The following ATG2A variants were observed in gnomAD, a reference collection of about 807,000 sequenced individuals.
ATG2A encodes autophagy related 2A.
Under a neutral mutation model 214.2 loss-of-function variants are expected in ATG2A, and 103 were observed. That is an observed-to-expected ratio of 0.48 (90% confidence interval 0.41 to 0.57). ATG2A has a LOEUF of 0.57. Ranked by LOEUF, ATG2A falls within the 20% of genes least tolerant of loss-of-function variation. The pLI, the probability that ATG2A is intolerant of heterozygous loss-of-function variation, is 0.00. For missense variants in ATG2A, 2,312 were observed against 2,613.2 expected, an observed-to-expected ratio of 0.88 and a Z score of 2.51; for synonymous variants, 1,160 against 1,142.1, an observed-to-expected ratio of 1.02 and a Z score of -0.32.
At position 64,909,934 on chromosome 11, in the gene ATG2A, G is replaced by A; in HGVS notation, c.1864-10C>T. 1 of 1,595,856 alleles carries A rather than the reference G, an allele frequency of 6.3e-7. No individual in the cohort carries two copies. The highest frequency in any genetic ancestry group is 8.5e-7 in the Non-Finnish European group (1 of 1,171,148). ...CCGGCAGGGGCTCTGTCTGCAGGAG[G>A]ATTGGGGGTCAGAGCAGCCGTCGGA... On this transcript the variant is annotated splice_polypyrimidine_tract_variant and intron_variant, in intron 13 of 40. Coordinates refer to ENST00000377264, the MANE Select transcript of ATG2A (RefSeq NM_015104.3).
chr11:64,897,604 C>T (rs893878243), intron 36 of ATG2A, 67 bp downstream of exon 36: 1 of 1,610,862 alleles, frequency 6.2e-7, no homozygotes, highest in African/African-American at 1.3e-5. Flanking sequence ...GATGCAAGAC[C>T]TGGCCCCCAG....
chr11:64,916,997 C>A lies in ATG2A; in HGVS notation c.139G>T (p.Val47Phe). 1 of 1,613,760 alleles carries A rather than the reference C, an allele frequency of 6.2e-7. No individual in the cohort carries two copies. The highest frequency in any genetic ancestry group is 8.5e-7 in the Non-Finnish European group (1 of 1,180,006). ...QLSLDLYKGS[V>F]ALRDIHLEIW... ...TCCAGGTGGATGTCTCGCAGGGCAA[C>A]GCTGCCCTTGTACAGATCGAGGCTG... is the stretch of plus-strand genomic sequence containing the variant. Residue 47 changes from valine (V) to phenylalanine (F), a missense_variant, in exon 1 of 41, where the codon GTT becomes TTT. Transcript: ENST00000377264.
chr11:64,894,831 T>C lies in ATG2A; in HGVS notation c.*142A>G, dbSNP rs941781856. 6 of 1,020,528 alleles carry C rather than the reference T, an allele frequency of 5.9e-6. No individual in the cohort carries two copies. The Admixed American group carries it at 1.0e-4, about 17-fold the overall frequency. The allele number at this position is 1,020,528 out of a possible 1,614,324, so 63.2% of individuals were successfully genotyped here. ...AGGGAGGCCCCCCTCTCACAGCAGA[T>C]TGGCAACGGGCAGGCTGGGAAGGCG... On this transcript the variant is annotated 3_prime_UTR_variant, in exon 41 of 41. Transcript: ENST00000377264.
rs187827166 is a variant in ATG2A at position 64,899,955 on chromosome 11, C to T, written c.4464+539G>A. Among the ~76,000 whole-genome samples the T allele has an allele frequency of 6.0e-5, 9 of 151,028 alleles. No individual in the cohort carries two copies. The East Asian group carries it at 1.7e-3, about 29-fold the overall frequency. On this transcript the variant is annotated intron_variant, in intron 31 of 40. Coordinates refer to ENST00000377264, the MANE Select transcript of ATG2A (RefSeq NM_015104.3). Reference sequence around the variant, plus strand: ...CTCACTGCAACCTCTGCCTCTTGGGCTCAAACAACTCTCCTGCCTCAGCCT... The same window carrying T: ...CTCACTGCAACCTCTGCCTCTTGGGTTCAAACAACTCTCCTGCCTCAGCCT...
Position 64,910,923 on chromosome 11 carries a change from C to A in ATG2A, c.1498G>T (p.Glu500Ter). ...LTGTAVQLSWELRTGSRGRRT... is the reference protein window; with the variant it reads ...LTGTAVQLSW ...CGGCCCCGACTGCCCGTCCGCAGCTCCCAGGACAGCTGCACGGCTGTGCCC... is the reference window on the plus strand; with the variant it reads ...CGGCCCCGACTGCCCGTCCGCAGCTACCAGGACAGCTGCACGGCTGTGCCC... Residue 500 changes from glutamate (E) to a stop codon, truncating the protein, a stop_gained, in exon 11 of 41, where the codon GAG becomes TAG. Transcript: ENST00000377264. LOFTEE classifies it high-confidence loss of function. 1 of 1,613,208 alleles carries A rather than the reference C, an allele frequency of 6.2e-7. No individual in the cohort carries two copies. Among genetic ancestry groups the A allele is most frequent in the East Asian group, 2.2e-5 (1 of 44,878 alleles).
intron 20 of ATG2A, 61 bp from the exon 21 acceptor site, chr11:64,906,594 C>A: frequency 1.2e-6 from 2 of 1,608,382 alleles, no homozygotes; most frequent in Admixed American, 1.7e-5. Context: ...CACCCAGGGC[C>A]CACATCCGTC....
chr11:64,915,526 G>A (rs1178049821), intron 1 of ATG2A, among the ~76,000 whole-genome samples: 3 of 152,146 alleles, frequency 2.0e-5, no homozygotes, highest in African/African-American at 7.2e-5. Flanking sequence ...TTCTTTGGGG[G>A]CCTTCAAGGC....
rs759047658 is a variant in ATG2A at position 64,897,849 on chromosome 11, T to A, written c.4984A>T (p.Ile1662Phe). The change falls in exon 35 of 41, where the codon ATC becomes TTC. Residue 1662 changes from isoleucine to phenylalanine, a missense_variant. Physicochemically the swap from Ile to Phe is conservative, Grantham distance 21. Transcript: ENST00000377264. The stretch of plus-strand genomic sequence containing the variant: ...AGTCCAGCAGCCTACCTGAAGTAGA[T>A]GGGCTGCTGGTCAGGAGGGGAGGGG... ...HSPSPPDQQP[I>F]YFREFRFTSE... 1.9e-6 allele frequency: 3 copies of A among 1,605,974 alleles called. No individual in the cohort carries two copies. Among genetic ancestry groups the A allele is most frequent in the African/African-American group, 2.7e-5 (2 of 74,826 alleles).
chr11:64,913,146 G>C lies in ATG2A; in HGVS notation c.727-10C>G, dbSNP rs186654581. 2 of 1,586,506 alleles carry C rather than the reference G, an allele frequency of 1.3e-6. No individual in the cohort carries two copies. Among genetic ancestry groups the C allele is most frequent in the African/African-American group, 1.3e-5 (1 of 74,488 alleles). ...GCTCTGGAGGCTCTTCCTGGGAGAC[G>C]GGAGGATACAAGAGGGAAAGGTTGA... On this transcript the variant is annotated splice_polypyrimidine_tract_variant and intron_variant, in intron 5 of 40. Coordinates refer to ENST00000377264, the MANE Select transcript of ATG2A (RefSeq NM_015104.3). The surrounding 1 kb of genome is among the most constrained non-coding windows in gnomAD (Gnocchi z 4.3).
chr11:64,907,423 G>A lies in ATG2A; in HGVS notation c.2664C>T (p.Leu888=), dbSNP rs777355713. The A allele has an allele frequency of 2.5e-6, 4 of 1,594,310 alleles. No homozygotes were observed. The highest frequency in any genetic ancestry group is 1.6e-4 in the Middle Eastern group (1 of 6,064). The part of the protein sequence containing the change: ...SAFKLANCFD[L]TPDSDSDDED... ...CGTCATCCGAGTCCGAGTCTGGGGT[G>A]AGATCAAAGCAGTTGGCTGGGAAGG... Residue 888 remains leucine (L), a synonymous_variant, in exon 19 of 41, where the codon CTC becomes CTT. Transcript: ENST00000377264.
At chr11:64,912,511 G>A in intron 6 of ATG2A, 88 bp from the exon 7 acceptor site, 2 of 1,156,122 alleles carry the variant, frequency 1.7e-6, no homozygotes, top group South Asian at 3.1e-5. Context: ...CCCTGGGAAA[G>A]CAGGATGCTG....
chr11:64,899,017 G>A (rs542771565), intron 31 of ATG2A, among the ~76,000 whole-genome samples, 175 bp from the exon 32 acceptor site: 5 of 152,246 alleles, frequency 3.3e-5, no homozygotes, highest in Admixed American at 6.5e-5. Context: ...GGGTTCAAGC[G>A]ATTCTCCTGC....
chr11:64,898,906 C>T lies in ATG2A; in HGVS notation c.4465-64G>A. 1.4e-6 allele frequency: 2 copies of T among 1,472,048 alleles called. No individual in the cohort carries two copies. Among genetic ancestry groups the T allele is most frequent in the Middle Eastern group, 2.3e-4 (1 of 4,430 alleles). The allele number at this position is 1,472,048 out of a possible 1,614,324, so 91.2% of individuals were successfully genotyped here. A position where few individuals can be genotyped will look rare whatever the true frequency, so the allele number is the denominator to read the frequency against. ...CCCAAGAGGGAGGGAAGGGCTGGCCCCAGACCCCTTCTCTATTCTTTTTTT... is the reference window on the plus strand; with the variant it reads ...CCCAAGAGGGAGGGAAGGGCTGGCCTCAGACCCCTTCTCTATTCTTTTTTT... On this transcript the variant is annotated intron_variant, in intron 31 of 40. Coordinates refer to ENST00000377264, the MANE Select transcript of ATG2A (RefSeq NM_015104.3). The surrounding 1 kb of genome is among the most constrained non-coding windows in gnomAD (Gnocchi z 4.5).
rs747187541 is a variant in ATG2A at position 64,895,177 on chromosome 11, G to T, written c.5613C>A (p.Asp1871Glu). The change falls in exon 41 of 41, where the codon GAC (aspartate) becomes GAA (glutamate). Residue 1871 changes from aspartate (D) to glutamate (E), a missense_variant. Coordinates refer to ENST00000377264, the MANE Select transcript of ATG2A (RefSeq NM_015104.3). This position sits in a 1 kb window ranked among gnomAD's most constrained non-coding sequence, Gnocchi z 5.0. ...GILDTAQTIC[D>E]VASRGHEQKG... ...TCTGCTCATGGCCCCGCGATGCCAC[G>T]TCACAGATGGTCTGAGCTGTATCCA... is the stretch of plus-strand genomic sequence containing the variant. 1 of 1,613,036 alleles carries T rather than the reference G, an allele frequency of 6.2e-7. No individual in the cohort carries two copies. The highest frequency in any genetic ancestry group is 1.1e-5 in the South Asian group (1 of 91,048).
chr11:64,903,392 G>A lies in ATG2A; in HGVS notation c.3536-28C>T. 6.2e-7 allele frequency: 1 copy of A among 1,612,442 alleles called. No homozygotes were observed. The highest frequency in any genetic ancestry group is 8.5e-7 in the Non-Finnish European group (1 of 1,178,722). ...GCAGCAGAGGCGAGAGAAAGGTCCT[G>A]TGGCCCCCTTCCACCCGGCCCCGGC... On this transcript the variant is annotated intron_variant, in intron 25 of 40. Transcript: ENST00000377264. This position sits in a 1 kb window ranked among gnomAD's most constrained non-coding sequence, Gnocchi z 4.2.
chr11:64,912,513 A>T, intron 6 of ATG2A, 90 bp from the exon 7 acceptor site: 1 of 1,135,922 alleles, frequency 8.8e-7, no homozygotes, highest in Non-Finnish European at 1.2e-6. Context: ...CTGGGAAAGC[A>T]GGATGCTGGC....
chr11:64,906,848 G>A (rs1169189580), intron 19 of ATG2A, 33 bp from the exon 20 acceptor site: 9 of 1,597,876 alleles, frequency 5.6e-6, no homozygotes, highest in Non-Finnish European at 7.7e-6. Flanking sequence ...GGCTTCCCCA[G>A]CTGCACTCAG....
intron 19 of ATG2A, among the ~76,000 whole-genome samples, chr11:64,907,020 C>T (rs745852915): frequency 3.5e-4 from 53 of 152,358 alleles, no homozygotes; most frequent in Non-Finnish European, 6.2e-4. Flanking sequence ...GGAGTGGGAA[C>T]AGTGGGTGCT....
Position 64,895,195 on chromosome 11 carries a change from T to C in ATG2A, c.5595A>G (p.Thr1865=). 1 of 1,612,832 alleles carries C rather than the reference T, an allele frequency of 6.2e-7. No individual in the cohort carries two copies. The highest frequency in any genetic ancestry group is 8.5e-7 in the Non-Finnish European group (1 of 1,179,498). The stretch of plus-strand genomic sequence containing the variant: ...ATGCCACGTCACAGATGGTCTGAGC[T>C]GTATCCAAGATGCCCTGTGGAAGCC... ...YDTVREGILD[T]AQTICDVASR... The change falls in exon 41 of 41, where the codon ACA becomes ACG. Residue 1865 remains threonine, a synonymous_variant. Transcript: ENST00000377264. This position sits in a 1 kb window ranked among gnomAD's most constrained non-coding sequence, Gnocchi z 5.0.
Sources: gnomAD v4.1 joint callset for allele counts (sites outside exome capture counted in the v4.1 genomes callset) on GRCh38, gnomAD v4.1.1 for gene constraint, Gnocchi (gnomAD v3.1) non-coding constraint, MANE v1.5 for transcripts, NCBI Gene and HGNC (gene_info 2026-07-23, HGNC 2026-07-21) for gene names.